The following ERC1 variants were observed in gnomAD, a reference collection of about 807,000 sequenced individuals.
ERC1 encodes ELKS/RAB6-interacting/CAST family member 1, also known as RAB6 interacting protein 2.
Under a neutral mutation model 132.0 loss-of-function variants are expected in ERC1, and 56 were observed. The observed-to-expected ratio is 0.42, with a 90% CI of 0.34 to 0.53. The LOEUF (loss-of-function observed/expected upper bound fraction) is 0.53. ERC1 is among the 20% of genes least tolerant of loss of function. The probability of loss-of-function intolerance (pLI) is 0.03; values close to 1 mark genes in which losing one functional copy is unlikely to be tolerated. For synonymous variants in ERC1, 478 were observed against 476.1 expected (o/e 1.00, Z -0.05); for missense variants, 1,202 against 1,349.9 (o/e 0.89, Z 1.72).
intron 18 of ERC1, among the ~76,000 whole-genome samples, chr12:1,464,368 C>A (rs2093700411): frequency 6.6e-6 from 1 of 152,206 alleles, no homozygotes; most frequent in Admixed American, 6.5e-5. Context: ...CTTCCCCTCA[C>A]CTCTAAACTA....
Position 1,183,979 on chromosome 12 carries a change from C to T in ERC1, c.2157+558C>T, listed in dbSNP as rs1323230966. On this transcript the variant is annotated intron_variant, in intron 11 of 18. Transcript: ENST00000360905. ...CGAAACCCCATCTCTACTAAAAACA[C>T]AAAAAAATTAGCCAGGCTTGGTGGC... is the stretch of plus-strand genomic sequence containing the variant. 7.2e-5 allele frequency among the ~76,000 whole-genome samples: 11 copies of T among 151,868 alleles called. No homozygotes were observed. In the South Asian group the frequency reaches 8.4e-4, roughly 12 times the overall value.
chr12:1,348,364 T>C (rs2084678607), intron 15 of ERC1, among the ~76,000 whole-genome samples: 1 of 152,190 alleles, frequency 6.6e-6, no homozygotes, highest in Non-Finnish European at 1.5e-5. Context: ...GTATGGCCAA[T>C]GATGAAGAAT....
intron 13 of ERC1, among the ~76,000 whole-genome samples, chr12:1,240,442 C>T (rs377646640): frequency 2.6e-4 from 39 of 152,274 alleles, no homozygotes; most frequent in African/African-American, 9.4e-4. Flanking sequence ...TAAAATGAGT[C>T]TTAAGACAGA....
chr12:1,163,455 A>G (rs1157726496), intron 8 of ERC1, among the ~76,000 whole-genome samples: 1 of 152,222 alleles, frequency 6.6e-6, no homozygotes, highest in African/African-American at 2.4e-5. Context: ...AAATGGATGT[A>G]TTGTGATAGA....
intron 16 of ERC1, among the ~76,000 whole-genome samples, chr12:1,385,315 C>T (rs2089194950): frequency 6.6e-6 from 1 of 152,118 alleles, no homozygotes; most frequent in African/African-American, 2.4e-5. Flanking sequence ...CGGAGTCTCG[C>T]TCTGTCGCCC....
At chr12:1,113,145 G>A (rs1297100034) in intron 6 of ERC1, among the ~76,000 whole-genome samples, 1 of 152,130 alleles carries the variant, frequency 6.6e-6, no homozygotes, top group Non-Finnish European at 1.5e-5. Flanking sequence ...ATGTGCATAG[G>A]TTATATGCAA....
rs1011561586 is a variant in ERC1, at chr12:1,248,927, GGCT to G, written c.2487+12026_2487+12028del. Among the ~76,000 whole-genome samples, 9 of 151,998 alleles carry G rather than the reference GGCT, an allele frequency of 5.9e-5. No homozygotes were observed. The East Asian group carries it at 1.7e-3, about 29-fold the overall frequency. ...GGAGACAGACTCGCTCTGTCACTCA[GGCT>G]GCAGTGCAGTGGCATGATCATAGTT... is the stretch of plus-strand genomic sequence containing the variant. On this transcript the variant is annotated intron_variant, in intron 13 of 18. Transcript: ENST00000360905.
chr12:1,407,903 C>A (rs1209731459), intron 16 of ERC1, among the ~76,000 whole-genome samples: 3 of 152,154 alleles, frequency 2.0e-5, no homozygotes, highest in Non-Finnish European at 4.4e-5. Context: ...CTCCTGAAGA[C>A]CCTGTCTCTG....
intron 13 of ERC1, among the ~76,000 whole-genome samples, chr12:1,257,594 G>C (rs1319006569): frequency 1.3e-5 from 2 of 152,030 alleles, no homozygotes; most frequent in East Asian, 3.9e-4. Context: ...GGTAACATTG[G>C]AGCTTTTGTT....
intron 12 of ERC1, chr12:1,204,184 C>T (rs1400745805): frequency 1.2e-5 from 3 of 254,004 alleles, no homozygotes; most frequent in African/African-American, 6.7e-5. Flanking sequence ...GATGGCTAAC[C>T]TTCTCTATTT....
chr12:1,426,483 C>A (rs2092645548), intron 17 of ERC1, among the ~76,000 whole-genome samples: 1 of 152,052 alleles, frequency 6.6e-6, no homozygotes, highest in Admixed American at 6.6e-5. Context: ...TTGGAAGATA[C>A]CAGATTTCTG....
chr12:1,228,527 T>G (rs1391999326), intron 12 of ERC1, among the ~76,000 whole-genome samples: 2 of 152,216 alleles, frequency 1.3e-5, no homozygotes, highest in Non-Finnish European at 2.9e-5. Flanking sequence ...GTGTGCCATT[T>G]AGTTCTTTTT....
At chr12:1,012,802 G>T (rs1964913899) in intron 1 of ERC1, among the ~76,000 whole-genome samples, 1 of 151,994 alleles carries the variant, frequency 6.6e-6, no homozygotes, top group African/African-American at 2.4e-5. Flanking sequence ...AGATCTTTTG[G>T]ACCAGAATTC....
At chr12:1,189,838 T>A (rs369577744) in intron 11 of ERC1, 21 bp from the exon 12 acceptor site, 20 of 1,576,690 alleles carry the variant, frequency 1.3e-5, no homozygotes, top group Non-Finnish European at 1.7e-5. Flanking sequence ...TCTGATAGGA[T>A]TGAAATGCTT....
At chr12:1,234,990 C>T (rs1212497293) in intron 12 of ERC1, among the ~76,000 whole-genome samples, 1 of 152,140 alleles carries the variant, frequency 6.6e-6, no homozygotes, top group Non-Finnish European at 1.5e-5. Context: ...AGGGGAATAT[C>T]TTTATGAACT....
intron 2 of ERC1, among the ~76,000 whole-genome samples, chr12:1,082,190 G>T (rs1942297172): frequency 6.6e-6 from 1 of 151,998 alleles, no homozygotes; most frequent in African/African-American, 2.4e-5. Flanking sequence ...ACCATGCCTG[G>T]CTAATTTTTC....
rs754610303 is a variant in ERC1, at chr12:1,083,343, T to C, written c.849T>C (p.Leu283=). ...EHERQAKELF[L]LRKTLEEMEL... is the part of the protein sequence containing the mutation. The stretch of plus-strand genomic sequence containing the variant: ...AGCGGCAGGCCAAAGAGCTGTTTCT[T>C]CTTCGAAAGACATTGGAGGAAATGG... Residue 283 remains leucine (L), a synonymous_variant, in exon 3 of 19, where the codon CTT becomes CTC. Transcript: ENST00000360905. 4 of 1,614,184 alleles carry C rather than the reference T, an allele frequency of 2.5e-6. No homozygotes were observed. The South Asian group carries it at 4.4e-5, about 18-fold the overall frequency.
intron 2 of ERC1, among the ~76,000 whole-genome samples, chr12:1,033,670 C>T (rs373854587): frequency 3.9e-4 from 59 of 151,408 alleles, no homozygotes; most frequent in East Asian, 2.3e-3. Flanking sequence ...CTTGCTCTGT[C>T]GCCAGCTGGA....
intron 7 of ERC1, among the ~76,000 whole-genome samples, chr12:1,137,628 TC>T (rs1949386777): frequency 6.6e-6 from 1 of 151,316 alleles, no homozygotes; most frequent in South Asian, 2.1e-4. Flanking sequence ...GGCAGGCAGA[TC>T]ACCTGAGGTC....
Sources: allele counts gnomAD v4.1 joint callset (sites outside exome capture counted in the v4.1 genomes callset), GRCh38; gene constraint gnomAD v4.1.1; transcripts MANE v1.5; gene names NCBI Gene and HGNC (gene_info 2026-07-23, HGNC 2026-07-21).